Variants in NRP2 observed in about 807,000 individuals in gnomAD.
The protein encoded by NRP2 is neuropilin-2.
Under a neutral mutation model 110.4 loss-of-function variants are expected in NRP2, and 52 were observed. That is an observed-to-expected ratio of 0.47 (90% confidence interval 0.38 to 0.59). NRP2 has a LOEUF of 0.59. Ranked by LOEUF, NRP2 falls within the 20% of genes least tolerant of loss-of-function variation. The pLI is 0.00. For synonymous variants in NRP2, 508 were observed against 468.9 expected, an observed-to-expected ratio of 1.08 and a Z score of -1.08; for missense variants, 1,049 against 1,203.0, an observed-to-expected ratio of 0.87 and a Z score of 1.89.
chr2:205,715,136 T>G (rs1185232560), intron 2 of NRP2, among the ~76,000 whole-genome samples: 1 of 152,146 alleles, frequency 6.6e-6, no homozygotes, highest in Non-Finnish European at 1.5e-5. Flanking sequence ...GGGAGGAAGT[T>G]TCCCACCTAA....
At chr2:205,718,290 T>G (rs2056941405) in intron 3 of NRP2, among the ~76,000 whole-genome samples, 1 of 152,222 alleles carries the variant, frequency 6.6e-6, no homozygotes, top group Admixed American at 6.5e-5. Flanking sequence ...CTATCCATCA[T>G]GCAAATTTGA....
At position 205,795,361 on chromosome 2, in the gene NRP2, G is replaced by GTATTAT. The variant is rs11280948; in HGVS notation, c.*328_*333dup. The GTATTAT allele has an allele frequency of 0.25, 36,424 of 146,316 alleles. 5,608 individuals are homozygous for GTATTAT. Among genetic ancestry groups the GTATTAT allele is most frequent in the Non-Finnish European group, 0.35 (23,144 of 67,028 alleles). The allele number at this position is 146,316 out of a possible 1,614,324, so 9.1% of individuals were successfully genotyped here. A position where few individuals can be genotyped will look rare whatever the true frequency, so the allele number is the denominator to read the frequency against. ...ACAGTTCTATTTTGTTTGTGAGTTT[G>GTATTAT]TATTATTATTATTATTATTATTATT... is the stretch of plus-strand genomic sequence containing the variant. On this transcript the variant is annotated 3_prime_UTR_variant, in exon 17 of 17. Transcript: ENST00000357785.
chr2:205,692,849 T>TGG (rs201879418), intron 1 of NRP2, among the ~76,000 whole-genome samples: 1,574 of 152,318 alleles, frequency 0.01, 10 homozygotes, highest in Non-Finnish European at 0.017. Context: ...CCTCACTACA[T>TGG]GGGCTTTGGA....
intron 11 of NRP2, 97 bp from the exon 12 acceptor site, chr2:205,752,738 C>T (rs534529492): frequency 4.6e-6 from 6 of 1,296,016 alleles, no homozygotes; most frequent in Non-Finnish European, 6.7e-6. Flanking sequence ...CTCTGCTCTC[C>T]ACTCAGGCCT....
intron 8 of NRP2, among the ~76,000 whole-genome samples, chr2:205,742,352 A>G (rs536922835): frequency 8.5e-4 from 129 of 152,362 alleles, no homozygotes; most frequent in African/African-American, 3.0e-3. Context: ...GGTCTCTGAC[A>G]TCGTAGAACT....
intron 13 of NRP2, 101 bp downstream of exon 13, chr2:205,764,037 T>C (rs1328783977): frequency 1.6e-5 from 23 of 1,456,480 alleles, no homozygotes; most frequent in Non-Finnish European, 2.2e-5. Context: ...ACTGTTTTCA[T>C]TGTGTTTCTC....
chr2:205,701,900 ACTTTT>A (rs1226486101), intron 2 of NRP2, among the ~76,000 whole-genome samples: 1 of 152,210 alleles, frequency 6.6e-6, no homozygotes, highest in East Asian at 1.9e-4. Context: ...AGAGGAGTCA[ACTTTT>A]TCTCAATGAT....
intron 7 of NRP2, among the ~76,000 whole-genome samples, chr2:205,728,494 A>T (rs1015388719): frequency 6.6e-6 from 1 of 152,212 alleles, no homozygotes; most frequent in African/African-American, 2.4e-5. Context: ...AATGTCCTGG[A>T]GAAGAAAAAG....
rs370714658 is a variant in NRP2, at chr2:205,683,363, G to A, written c.73G>A (p.Asp25Asn). Residue 25 changes from aspartate to asparagine, a missense_variant and splice_region_variant, in exon 1 of 17, where the codon GAC becomes AAC. Transcript: ENST00000357785. ...FSRHQVRGQP[D>N]PPCGGRLNSK... ...AAGACACCAAGTGAGAGGCCAACCA[G>A]GTAAGCCACTGAAAGTTTTTCTATT... is the stretch of plus-strand genomic sequence containing the variant. 1.2e-6 allele frequency: 2 copies of A among 1,611,446 alleles called. No homozygotes were observed. Among genetic ancestry groups the A allele is most frequent in the Non-Finnish European group, 1.7e-6 (2 of 1,177,606 alleles).
At chr2:205,747,459 C>A (rs1001435883) in intron 10 of NRP2, among the ~76,000 whole-genome samples, 3 of 152,328 alleles carry the variant, frequency 2.0e-5, no homozygotes. Flanking sequence ...TGCCTGCACC[C>A]AGCAAACCTG....
Position 205,716,363 on chromosome 2 carries a change from T to A in NRP2, c.422T>A (p.Ile141Asn). The A allele has an allele frequency of 6.2e-7, 1 of 1,613,638 alleles. No homozygotes were observed. Among genetic ancestry groups the A allele is most frequent in the Non-Finnish European group, 8.5e-7 (1 of 1,179,962 alleles). Residue 141 changes from isoleucine (I) to asparagine (N), a missense_variant, in exon 3 of 17, where the codon ATC becomes AAC. Transcript: ENST00000357785. ...GCAGGCTTCTCTCTGCGCTACGAGA[T>A]CTTCAAGACAGGTCAGTGTGGTCAC... ...QGAGFSLRYEIFKTGSEDCSK... is the reference protein window; with the variant it reads ...QGAGFSLRYENFKTGSEDCSK...
At chr2:205,714,113 C>T (rs2056848772) in intron 2 of NRP2, among the ~76,000 whole-genome samples, 1 of 152,208 alleles carries the variant, frequency 6.6e-6, no homozygotes, top group Non-Finnish European at 1.5e-5. Context: ...TTAGCACTCA[C>T]TGAGTGCCAG....
chr2:205,723,078 A>C (rs2057054443), intron 4 of NRP2, among the ~76,000 whole-genome samples: 1 of 151,966 alleles, frequency 6.6e-6, no homozygotes, highest in Admixed American at 6.5e-5. Flanking sequence ...CGGCTCTGCT[A>C]CTCCCCAGCT....
intron 15 of NRP2, among the ~76,000 whole-genome samples, chr2:205,773,931 C>A (rs2058059941): frequency 6.6e-6 from 1 of 152,166 alleles, no homozygotes; most frequent in Non-Finnish European, 1.5e-5. Flanking sequence ...GAAAGCTAAT[C>A]CCTGAGGATT....
chr2:205,740,097 A>G (rs2057413754), intron 7 of NRP2: 3 of 279,182 alleles, frequency 1.1e-5, no homozygotes, highest in Non-Finnish European at 2.1e-5. Flanking sequence ...CTCTGCAAAT[A>G]TTCCTAGGTG....
intron 2 of NRP2, among the ~76,000 whole-genome samples, chr2:205,714,657 G>T (rs2056859345): frequency 1.3e-5 from 2 of 152,088 alleles, no homozygotes; most frequent in Non-Finnish European, 2.9e-5. Flanking sequence ...CTCAATCTGT[G>T]ACCATCTCTC....
intron 5 of NRP2, among the ~76,000 whole-genome samples, chr2:205,724,191 G>A (rs1353359588): frequency 1.3e-5 from 2 of 152,114 alleles, no homozygotes; most frequent in Non-Finnish European, 2.9e-5. Context: ...GTTATTTTCA[G>A]GGAAAGTCAT....
chr2:205,736,411 A>T (rs1175539636), intron 7 of NRP2, among the ~76,000 whole-genome samples: 1 of 152,242 alleles, frequency 6.6e-6, no homozygotes, highest in African/African-American at 2.4e-5. Context: ...TCTAAAGCAG[A>T]TGTTAACATT....
chr2:205,751,671 C>T (rs896725847), intron 11 of NRP2, among the ~76,000 whole-genome samples: 3 of 152,190 alleles, frequency 2.0e-5, no homozygotes, highest in South Asian at 4.1e-4. Flanking sequence ...TGCCCTGCCC[C>T]CCATGAGGTG....
Sources: gnomAD v4.1 joint callset for allele counts (sites outside exome capture counted in the v4.1 genomes callset) on GRCh38, gnomAD v4.1.1 for gene constraint, MANE v1.5 for transcripts, NCBI Gene and HGNC (gene_info 2026-07-23, HGNC 2026-07-21) for gene names.